Variants in NSD1 observed in about 807,000 individuals in gnomAD.
NSD1 encodes nuclear receptor binding SET domain protein 1.
NSD1 carries 26 observed loss-of-function variants against 242.7 expected under a neutral mutation model. The observed-to-expected ratio is 0.11, with a 90% confidence interval of 0.08 to 0.15. The LOEUF (loss-of-function observed/expected upper bound fraction) is 0.15, where lower values mean the gene tolerates loss of function less well. Ranked by LOEUF, NSD1 falls within the 10% of genes least tolerant of loss-of-function variation. The pLI, the probability that NSD1 is intolerant of heterozygous loss-of-function variation, is 1.00. For missense variants in NSD1, 2,495 were observed against 3,272.8 expected, an observed-to-expected ratio of 0.76 and a Z score of 5.80; for synonymous variants, 1,106 against 1,178.1, an observed-to-expected ratio of 0.94 and a Z score of 1.25.
chr5:177,199,814 C>T (rs1002683191), intron 3 of NSD1, among the ~76,000 whole-genome samples: 11 of 152,102 alleles, frequency 7.2e-5, no homozygotes, highest in African/African-American at 2.7e-4. Flanking sequence ...TCAGGATGTT[C>T]TCCATCTCCT....
intron 2 of NSD1, among the ~76,000 whole-genome samples, chr5:177,156,208 G>A (rs1466638875): frequency 8.7e-6 from 1 of 115,170 alleles, no homozygotes; most frequent in Non-Finnish European, 1.7e-5. Context: ...TTGAGATGGA[G>A]TCTTGCTCTG....
intron 2 of NSD1, among the ~76,000 whole-genome samples, chr5:177,178,313 G>A (rs1760374025): frequency 6.6e-6 from 1 of 151,640 alleles, no homozygotes; most frequent in Non-Finnish European, 1.5e-5. Flanking sequence ...CACAACCTCC[G>A]CCTCCCGGGT....
At chr5:177,224,099 A>G (rs1339169213) in intron 5 of NSD1, among the ~76,000 whole-genome samples, 8 of 152,250 alleles carry the variant, frequency 5.3e-5, no homozygotes, top group African/African-American at 1.9e-4. Context: ...ATTGGAAAGT[A>G]TAAGTTTTTT....
intron 3 of NSD1, among the ~76,000 whole-genome samples, chr5:177,198,896 TC>T (rs1212908975): frequency 6.6e-6 from 1 of 152,234 alleles, no homozygotes; most frequent in East Asian, 1.9e-4. Context: ...CTCTTTAGCT[TC>T]CTCTGTCTCC....
chr5:177,211,625 G>A lies in NSD1; in HGVS notation c.3226G>A (p.Gly1076Ser), dbSNP rs768627602. The A allele has an allele frequency of 1.7e-5, 27 of 1,613,968 alleles. No homozygotes were observed. Among genetic ancestry groups the A allele is most frequent in the Non-Finnish European group, 2.2e-5 (26 of 1,180,028 alleles). ...AVLQGDRERG[G>S]SLRGGAEDPS... The stretch of plus-strand genomic sequence containing the variant: ...ACTGCAGGGAGACCGAGAACGTGGA[G>A]GTTCATTGAGAGGTGGGGCAGAAGA... The change falls in exon 5 of 23, where the codon GGT becomes AGT. Residue 1076 changes from glycine to serine, a missense_variant. Gly to Ser is a moderately conservative substitution (Grantham distance 56, BLOSUM62 0). Coordinates refer to ENST00000439151, the MANE Select transcript of NSD1 (RefSeq NM_022455.5).
At chr5:177,183,234 T>C (rs1348048988) in intron 2 of NSD1, among the ~76,000 whole-genome samples, 1 of 152,232 alleles carries the variant, frequency 6.6e-6, no homozygotes, top group Non-Finnish European at 1.5e-5. Context: ...ATTTTTAATA[T>C]ATAATGCTAT....
chr5:177,298,758 C>T lies in NSD1; in HGVS notation c.*3299C>T. 1 of 233,320 alleles carries T rather than the reference C, an allele frequency of 4.3e-6. No homozygotes were observed. The highest frequency in any genetic ancestry group is 5.6e-5 in the Admixed American group (1 of 17,810). The allele number at this position is 233,320 out of a possible 1,614,324, so 14.5% of individuals were successfully genotyped here. ...TCCCAGGTTGTAATTCTAATGTTGC[C>T]TCATGAGAACAGAATGGCAGAAAGT... On this transcript the variant is annotated 3_prime_UTR_variant, in exon 23 of 23. Transcript: ENST00000439151.
chr5:177,147,029 A>T (rs1028467263), intron 2 of NSD1, among the ~76,000 whole-genome samples: 1 of 151,726 alleles, frequency 6.6e-6, no homozygotes, highest in African/African-American at 2.4e-5. Context: ...AAAAGTTGCT[A>T]AACATTTCTA....
chr5:177,245,632 CTTT>C (rs540362237), intron 9 of NSD1, among the ~76,000 whole-genome samples: 10 of 134,572 alleles, frequency 7.4e-5, no homozygotes, highest in East Asian at 2.1e-4. Context: ...GAATTTCTTT[CTTT>C]TTTTTTTTTT....
intron 5 of NSD1, chr5:177,221,170 G>A: frequency 3.9e-6 from 1 of 258,290 alleles, no homozygotes; most frequent in Non-Finnish European, 7.8e-6. Context: ...ACTGTGGCCT[G>A]TATTTGGCCT....
Position 177,138,611 on chromosome 5 carries a change from T to G in NSD1, c.927+2581T>G, listed in dbSNP as rs115544076. Among the ~76,000 whole-genome samples the G allele has an allele frequency of 2.7e-3, 417 of 151,878 alleles. 2 individuals are homozygous for G. The highest frequency in any genetic ancestry group is 4.6e-3 in the Non-Finnish European group (314 of 67,970). ...AAGTTGTGATTGAAATCTATTGCCT[T>G]TATTTTTGCCTTTGATATTTTTAAA... On this transcript the variant is annotated intron_variant, in intron 2 of 22. Coordinates refer to ENST00000439151, the MANE Select transcript of NSD1 (RefSeq NM_022455.5).
intron 2 of NSD1, among the ~76,000 whole-genome samples, chr5:177,139,825 C>G (rs1352634709): frequency 1.3e-5 from 2 of 151,792 alleles, no homozygotes; most frequent in Admixed American, 1.3e-4. Flanking sequence ...CCTGTAGTCC[C>G]AGCTACTCAG....
intron 2 of NSD1, among the ~76,000 whole-genome samples, chr5:177,180,465 A>C (rs548433321): frequency 1.3e-4 from 20 of 152,140 alleles, no homozygotes; most frequent in Middle Eastern, 3.4e-3. Context: ...TATGTTAGTC[A>C]GGCTGGTCTT....
chr5:177,183,874 G>A (rs1420792078), intron 2 of NSD1, among the ~76,000 whole-genome samples: 1 of 152,074 alleles, frequency 6.6e-6, no homozygotes, highest in Non-Finnish European at 1.5e-5. Flanking sequence ...CCACTAATAA[G>A]TGAGAACACA....
chr5:177,178,435 G>A (rs1325098597), intron 2 of NSD1, among the ~76,000 whole-genome samples: 1 of 151,986 alleles, frequency 6.6e-6, no homozygotes, highest in Non-Finnish European at 1.5e-5. Context: ...CATGTTGGTC[G>A]GGCTGGTCTT....
chr5:177,188,868 T>C (rs972241702), intron 2 of NSD1, among the ~76,000 whole-genome samples: 2 of 152,122 alleles, frequency 1.3e-5, no homozygotes, highest in Non-Finnish European at 2.9e-5. Context: ...TTTAACAGCT[T>C]GGGCAACGTG....
intron 2 of NSD1, among the ~76,000 whole-genome samples, chr5:177,182,876 G>A (rs1052653202): frequency 2.0e-5 from 3 of 152,158 alleles, no homozygotes; most frequent in Admixed American, 2.0e-4. Context: ...GACCTCAGGT[G>A]ATCCGCCCAC....
At chr5:177,250,092 A>C (rs1206386377) in intron 11 of NSD1, among the ~76,000 whole-genome samples, 2 of 152,226 alleles carry the variant, frequency 1.3e-5, no homozygotes, top group Non-Finnish European at 2.9e-5. Context: ...ACAAATAATA[A>C]ATAGTAATAG....
Position 177,235,894 on chromosome 5 carries a change from G to T in NSD1, c.3870G>T (p.Gln1290His). 5 of 1,613,956 alleles carry T rather than the reference G, an allele frequency of 3.1e-6. No homozygotes were observed. Among genetic ancestry groups the T allele is most frequent in the Non-Finnish European group, 4.2e-6 (5 of 1,179,890 alleles). Residue 1290 changes from glutamine (Q) to histidine (H), a missense_variant, in exon 6 of 23, where the codon CAG (glutamine) becomes CAT (histidine). Gln to His is a conservative substitution (Grantham distance 24). Coordinates refer to ENST00000439151, the MANE Select transcript of NSD1 (RefSeq NM_022455.5). ...TGGAATATACAGAAGAATATGATCA[G>T]ATATTTGCTCCTAAGAAAAAACAAA... Reference protein sequence around the residue: ...WLLEYTEEYDQIFAPKKKQKK... With the variant: ...WLLEYTEEYDHIFAPKKKQKK...
Sources: gnomAD v4.1 joint callset for allele counts (sites outside exome capture counted in the v4.1 genomes callset) on GRCh38, gnomAD v4.1.1 for gene constraint, MANE v1.5 for transcripts, NCBI Gene and HGNC (gene_info 2026-07-23, HGNC 2026-07-21) for gene names.